Variants in STAU2 observed in about 807,000 individuals in gnomAD.
STAU2 encodes staufen double-stranded RNA binding protein 2.
A neutral mutation model predicts 65.9 loss-of-function variants in STAU2; 20 were observed. That is an observed-to-expected ratio of 0.30 (90% confidence interval 0.21 to 0.44). The LOEUF (loss-of-function observed/expected upper bound fraction) is 0.44, where lower values mean the gene tolerates loss of function less well. STAU2 is among the 20% of genes least tolerant of loss of function. The pLI is 1.00. For missense variants in STAU2, 558 were observed against 683.9 expected (o/e 0.82, Z 2.05); for synonymous variants, 232 against 233.9 (o/e 0.99, Z 0.07).
At chr8:73,570,504 G>C (rs1023908295) in intron 12 of STAU2, among the ~76,000 whole-genome samples, 4 of 152,176 alleles carry the variant, frequency 2.6e-5, no homozygotes, top group Non-Finnish European at 4.4e-5. Flanking sequence ...GGGAAGAACG[G>C]AACCAAGTTG....
intron 13 of STAU2, chr8:73,551,738 G>A: frequency 9.2e-6 from 10 of 1,092,810 alleles, no homozygotes; most frequent in Non-Finnish European, 1.1e-5. Context: ...AGACCAAATA[G>A]AAGACAGTGA....
intron 6 of STAU2, among the ~76,000 whole-genome samples, chr8:73,625,902 A>T (rs1365565294): frequency 6.6e-6 from 1 of 152,104 alleles, no homozygotes; most frequent in African/African-American, 2.4e-5. Context: ...GCACTCTAGG[A>T]TGTTACTGAC....
At chr8:73,668,833 C>A in intron 6 of STAU2, 1 of 404,300 alleles carries the variant, frequency 2.5e-6, no homozygotes, top group African/African-American at 2.0e-5. Flanking sequence ...AAGAAAAATT[C>A]AGTTCTTCTT....
intron 6 of STAU2, among the ~76,000 whole-genome samples, chr8:73,668,476 A>C (rs76621946): frequency 0.016 from 2,458 of 152,318 alleles, 41 homozygotes; most frequent in Non-Finnish European, 0.027. Context: ...CTAAGCAATA[A>C]TATTTTTTTA....
chr8:73,576,783 A>G lies in STAU2; in HGVS notation c.1222+5987T>C, dbSNP rs189386004. ...AACTCCATCTTTCTAGACAAACTGAATGAGTAATTAGGAGCATTACCTTTA... is the reference window on the plus strand; with the variant it reads ...AACTCCATCTTTCTAGACAAACTGAGTGAGTAATTAGGAGCATTACCTTTA... On this transcript the variant is annotated intron_variant, in intron 12 of 14. Transcript: ENST00000524300. Among the ~76,000 whole-genome samples the G allele has an allele frequency of 8.9e-4, 135 of 152,348 alleles. 1 individual carries two copies. Among genetic ancestry groups the G allele is most frequent in the African/African-American group, 3.1e-3 (129 of 41,584 alleles).
intron 13 of STAU2, among the ~76,000 whole-genome samples, chr8:73,519,957 C>T (rs1764845353): frequency 6.6e-6 from 1 of 152,160 alleles, no homozygotes; most frequent in African/African-American, 2.4e-5. Context: ...TTTTAACTCT[C>T]TCTTGGTTTG....
At chr8:73,553,029 C>T (rs1239736664) in intron 12 of STAU2, among the ~76,000 whole-genome samples, 2 of 152,124 alleles carry the variant, frequency 1.3e-5, no homozygotes, top group Non-Finnish European at 1.5e-5. Flanking sequence ...TAGGGATTAT[C>T]TAGTGCATTA....
intron 13 of STAU2, among the ~76,000 whole-genome samples, chr8:73,543,124 T>A (rs1420938003): frequency 1.3e-5 from 2 of 152,188 alleles, no homozygotes; most frequent in Non-Finnish European, 2.9e-5. Context: ...ACATGGAACA[T>A]GCGTGAATTT....
chr8:73,674,702 T>TA (rs202244433), intron 5 of STAU2, among the ~76,000 whole-genome samples: 27,950 of 149,166 alleles, frequency 0.19, 2,846 homozygotes, highest in East Asian at 0.36. Flanking sequence ...ATAAAATTAT[T>TA]TTATATATAT....
At chr8:73,689,557 A>T (rs570235083) in intron 4 of STAU2, among the ~76,000 whole-genome samples, 7 of 152,228 alleles carry the variant, frequency 4.6e-5, no homozygotes, top group African/African-American at 1.7e-4. Context: ...CTCATCTCAC[A>T]CACATCCTTC....
chr8:73,680,250 C>CTGCT (rs1473335835), intron 5 of STAU2, among the ~76,000 whole-genome samples: 1 of 151,980 alleles, frequency 6.6e-6, no homozygotes, highest in South Asian at 2.1e-4. Context: ...CCTGAAAGCC[C>CTGCT]TGCTTGCTTT....
chr8:73,632,649 C>A (rs1017359425), intron 6 of STAU2, among the ~76,000 whole-genome samples: 3 of 152,128 alleles, frequency 2.0e-5, no homozygotes, highest in Non-Finnish European at 4.4e-5. Context: ...TCAAGACTGA[C>A]AAGAGTATGA....
At position 73,485,141 on chromosome 8, in the gene STAU2, CTTTTTTTTTTT is replaced by C. The variant is rs10524978; in HGVS notation, c.1531-62450_1531-62440del. 3.1e-3 allele frequency among the ~76,000 whole-genome samples: 259 copies of C among 82,850 alleles called. 3 individuals are homozygous for C. Among genetic ancestry groups the C allele is most frequent in the Admixed American group, 7.0e-3 (49 of 6,992 alleles). The allele number at this position is 82,850 out of a possible 152,430, so 54.4% of individuals were successfully genotyped here. On this transcript the variant is annotated intron_variant, in intron 13 of 14. Transcript: ENST00000524300. The stretch of plus-strand genomic sequence containing the variant: ...TTACCCTGAGAACTACATCCTTACT[CTTTTTTTTTTT>C]TTTTTTTTTTTTTTTTTTGAGACAG...
intron 9 of STAU2, among the ~76,000 whole-genome samples, chr8:73,613,126 G>T (rs1012141814): frequency 2.6e-5 from 4 of 152,202 alleles, no homozygotes; most frequent in African/African-American, 9.6e-5. Flanking sequence ...TACTTCATAT[G>T]GTTGCTATGT....
intron 3 of STAU2, among the ~76,000 whole-genome samples, chr8:73,709,436 T>C (rs1207908362): frequency 6.6e-6 from 1 of 152,076 alleles, no homozygotes; most frequent in Non-Finnish European, 1.5e-5. Context: ...ATTATAATAA[T>C]TTTTTATCTT....
At position 73,567,854 on chromosome 8, in the gene STAU2, G is replaced by GT. The variant is rs951787145; in HGVS notation, c.1222+14915_1222+14916insA. ...ATCCCACCTTTTCTTACTCGCTGGGGGGGAGGGGGGAGTTGGGCAGGATGG... is the reference window on the plus strand; with the variant it reads ...ATCCCACCTTTTCTTACTCGCTGGGGTGGGAGGGGGGAGTTGGGCAGGATGG... On this transcript the variant is annotated intron_variant, in intron 12 of 14. Coordinates refer to ENST00000524300, the MANE Select transcript of STAU2 (RefSeq NM_001164380.2). Among the ~76,000 whole-genome samples, 17 of 152,076 alleles carry GT rather than the reference G, an allele frequency of 1.1e-4. No individual in the cohort carries two copies. In the East Asian group the frequency reaches 3.3e-3, roughly 30 times the overall value.
At chr8:73,604,954 T>C (rs548792299) in intron 9 of STAU2, among the ~76,000 whole-genome samples, 15 of 151,986 alleles carry the variant, frequency 9.9e-5, no homozygotes, top group Non-Finnish European at 1.8e-4. Context: ...CAGTAGCTCA[T>C]ATGTACAGGA....
rs1413356566 is a variant in STAU2, at chr8:73,695,468, A to C, written c.115-6655T>G. Among the ~76,000 whole-genome samples the C allele has an allele frequency of 1.3e-5, 2 of 151,172 alleles. 1 individual carries two copies. Among genetic ancestry groups the C allele is most frequent in the South Asian group, 4.2e-4 (2 of 4,754 alleles). On this transcript the variant is annotated intron_variant, in intron 4 of 14. Coordinates refer to ENST00000524300, the MANE Select transcript of STAU2 (RefSeq NM_001164380.2). ...CCTGAATAATCACCACTGATACCCA[A>C]GGAGTATGCAGTGGGCCCTGGGCTC...
intron 13 of STAU2, among the ~76,000 whole-genome samples, chr8:73,508,945 A>C (rs898750978): frequency 1.3e-5 from 2 of 152,232 alleles, no homozygotes; most frequent in Non-Finnish European, 2.9e-5. Flanking sequence ...ACTACTATGA[A>C]TAATGCTGCT....
Sources: allele counts gnomAD v4.1 joint callset (sites outside exome capture counted in the v4.1 genomes callset), GRCh38; gene constraint gnomAD v4.1.1; transcripts MANE v1.5; gene names NCBI Gene and HGNC (gene_info 2026-07-23, HGNC 2026-07-21).